NTN4: variants seen among roughly 807,000 people sequenced by gnomAD.
The protein encoded by NTN4 is netrin 4.
In NTN4, 32 loss-of-function variants were observed where a neutral mutation model predicts 73.6. The ratio of observed to expected loss-of-function variants is 0.44; its 90% CI spans 0.33 to 0.58. NTN4 has a LOEUF of 0.58. Ranked by LOEUF, NTN4 falls within the 20% of genes least tolerant of loss-of-function variation. The probability of loss-of-function intolerance (pLI) is 0.04; values close to 1 mark genes in which losing one functional copy is unlikely to be tolerated. For synonymous variants in NTN4, 258 were observed against 287.5 expected, an observed-to-expected ratio of 0.90 and a Z score of 1.04; for missense variants, 654 against 798.3, an observed-to-expected ratio of 0.82 and a Z score of 2.18.
At chr12:95,685,479 A>G (rs1311969855) in intron 5 of NTN4, among the ~76,000 whole-genome samples, 1 of 152,208 alleles carries the variant, frequency 6.6e-6, no homozygotes. Flanking sequence ...TGTGGTATCT[A>G]CATCTCATGG....
intron 2 of NTN4, among the ~76,000 whole-genome samples, chr12:95,772,269 G>T (rs1482895546): frequency 6.6e-6 from 1 of 151,916 alleles, no homozygotes; most frequent in African/African-American, 2.4e-5. Flanking sequence ...TGAACTCCTG[G>T]GCTCAAGCAA....
At chr12:95,756,980 C>T (rs1377257489) in intron 2 of NTN4, among the ~76,000 whole-genome samples, 1 of 152,054 alleles carries the variant, frequency 6.6e-6, no homozygotes, top group Non-Finnish European at 1.5e-5. Context: ...CTTTATCATC[C>T]CTGTTCCTTC....
At chr12:95,757,137 T>G (rs1409218047) in intron 2 of NTN4, among the ~76,000 whole-genome samples, 1 of 152,216 alleles carries the variant, frequency 6.6e-6, no homozygotes, top group Admixed American at 6.5e-5. Flanking sequence ...CATCAGTGTG[T>G]AGGCAATGCT....
intron 7 of NTN4, chr12:95,672,259 T>A: frequency 5.8e-6 from 4 of 692,612 alleles, no homozygotes; most frequent in Non-Finnish European, 1.1e-5. Flanking sequence ...GGGCTGTGAT[T>A]CTAGAATCTG....
rs1460848065 is a variant in NTN4, at chr12:95,770,988, A to ATTTTTTT, written c.585+15950_585+15951insAAAAAAA. On this transcript the variant is annotated intron_variant, in intron 2 of 9. Coordinates refer to ENST00000343702, the MANE Select transcript of NTN4 (RefSeq NM_021229.4). ...GCAAGATGAACCATCCAGGAAAAGA[A>ATTTTTTT]TTTGTTTTTTTTTTTTTTTGAGACA... Among the ~76,000 whole-genome samples, 320 of 58,014 alleles carry ATTTTTTT rather than the reference A, an allele frequency of 5.5e-3. 20 individuals are homozygous for ATTTTTTT. Among genetic ancestry groups the ATTTTTTT allele is most frequent in the African/African-American group, 0.013 (307 of 22,812 alleles). 38.1% of individuals were successfully genotyped at this position (58,014 alleles called of 152,430 possible).
chr12:95,672,561 G>A, intron 7 of NTN4: 7 of 1,521,426 alleles, frequency 4.6e-6, no homozygotes, highest in Admixed American at 1.7e-5. Context: ...AGGACTTGGC[G>A]CCTCAATGAG....
chr12:95,770,995 T>G (rs1038785320), intron 2 of NTN4, among the ~76,000 whole-genome samples: 40 of 130,482 alleles, frequency 3.1e-4, no homozygotes, highest in Middle Eastern at 7.9e-3. Flanking sequence ...AGAATTTGTT[T>G]TTTTTTTTTT....
chr12:95,733,721 G>A (rs1199882480), intron 3 of NTN4, among the ~76,000 whole-genome samples: 1 of 152,038 alleles, frequency 6.6e-6, no homozygotes, highest in Non-Finnish European at 1.5e-5. Flanking sequence ...GAGACTAAGT[G>A]GAATGGATCT....
At chr12:95,743,042 T>C (rs1025077876) in intron 2 of NTN4, among the ~76,000 whole-genome samples, 2 of 152,204 alleles carry the variant, frequency 1.3e-5, no homozygotes, top group African/African-American at 4.8e-5. Flanking sequence ...ATGGATTTCT[T>C]CTCTTCAGTA....
chr12:95,693,198 A>T (rs936103625), intron 5 of NTN4, among the ~76,000 whole-genome samples: 2 of 152,202 alleles, frequency 1.3e-5, no homozygotes, highest in African/African-American at 4.8e-5. Flanking sequence ...AGAAGTGTAG[A>T]TAATGACAGG....
At position 95,762,909 on chromosome 12, in the gene NTN4, T is replaced by C. The variant is rs530039494; in HGVS notation, c.585+24030A>G. Among the ~76,000 whole-genome samples the C allele has an allele frequency of 2.2e-4, 34 of 152,348 alleles. No individual in the cohort carries two copies. The East Asian group carries it at 6.2e-3, about 28-fold the overall frequency. Reference sequence around the variant, plus strand: ...ACTGTTTCTTTCCTATACATTTAGATAAGAAAAGGCATTTCTAACATGAAT... The same window carrying C: ...ACTGTTTCTTTCCTATACATTTAGACAAGAAAAGGCATTTCTAACATGAAT... On this transcript the variant is annotated intron_variant, in intron 2 of 9. Transcript: ENST00000343702.
chr12:95,765,741 A>T (rs2079016923), intron 2 of NTN4, among the ~76,000 whole-genome samples: 1 of 152,238 alleles, frequency 6.6e-6, no homozygotes, highest in African/African-American at 2.4e-5. Context: ...ATGATTATTA[A>T]TAATAGCACT....
chr12:95,708,853 A>G (rs1207851260), intron 5 of NTN4, among the ~76,000 whole-genome samples: 3 of 152,178 alleles, frequency 2.0e-5, no homozygotes, highest in Non-Finnish European at 4.4e-5. Flanking sequence ...AAGAGCTTCA[A>G]TAGCTGGCAT....
intron 5 of NTN4, among the ~76,000 whole-genome samples, chr12:95,694,770 A>G (rs17286243): frequency 0.21 from 32,199 of 152,138 alleles, 3,752 homozygotes; most frequent in South Asian, 0.3. Context: ...TGATCCTTGC[A>G]ATGTTATATA....
chr12:95,763,034 A>G (rs1036033251), intron 2 of NTN4, among the ~76,000 whole-genome samples: 2 of 152,220 alleles, frequency 1.3e-5, no homozygotes, highest in Admixed American at 6.5e-5. Flanking sequence ...AATAAGATAA[A>G]AATCCTAAGT....
chr12:95,685,874 A>C (rs2078357005), intron 5 of NTN4, among the ~76,000 whole-genome samples: 1 of 152,194 alleles, frequency 6.6e-6, no homozygotes, highest in South Asian at 2.1e-4. Context: ...TTAACTAATT[A>C]ATCCAATAGA....
intron 2 of NTN4, among the ~76,000 whole-genome samples, chr12:95,780,377 G>C (rs2079123485): frequency 6.6e-6 from 1 of 152,184 alleles, no homozygotes; most frequent in Non-Finnish European, 1.5e-5. Context: ...TACAGAATGA[G>C]AGAAAATTTT....
At chr12:95,760,382 T>G (rs928800713) in intron 2 of NTN4, among the ~76,000 whole-genome samples, 6 of 152,218 alleles carry the variant, frequency 3.9e-5, no homozygotes, top group African/African-American at 1.4e-4. Context: ...CAGCTCAGTA[T>G]TTAGCCGAAA....
intron 9 of NTN4, among the ~76,000 whole-genome samples, chr12:95,661,883 G>C (rs1041292020): frequency 1.3e-5 from 2 of 152,084 alleles, no homozygotes; most frequent in Non-Finnish European, 2.9e-5. Context: ...TAGATATAAC[G>C]TGTGATCCTG....
Sources: gnomAD v4.1 joint callset for allele counts (sites outside exome capture counted in the v4.1 genomes callset) on GRCh38, gnomAD v4.1.1 for gene constraint, MANE v1.5 for transcripts, NCBI Gene and HGNC (gene_info 2026-07-23, HGNC 2026-07-21) for gene names.